Variants in PKP4 observed in about 807,000 individuals in gnomAD.
PKP4 encodes plakophilin-4.
A neutral mutation model predicts 145.1 loss-of-function variants in PKP4; 90 were observed. That is an observed-to-expected ratio of 0.62 (90% CI 0.52 to 0.74). PKP4 has a LOEUF of 0.74. Among genes scored for constraint, PKP4 ranks in the 30% least tolerant of loss-of-function variants. The pLI is 0.00. For missense variants in PKP4, 1,340 were observed against 1,482.7 expected (o/e 0.90, Z 1.58); for synonymous variants, 563 against 577.2 (o/e 0.98, Z 0.35).
Position 158,661,611 on chromosome 2 carries a change from G to A in PKP4, c.2211+161G>A, listed in dbSNP as rs374617448. 159 of 553,252 alleles carry A rather than the reference G, an allele frequency of 2.9e-4. 4 individuals carry two copies. The highest frequency in any genetic ancestry group is 2.5e-3 in the South Asian group (124 of 49,436). 34.3% of individuals were successfully genotyped at this position (553,252 alleles called of 1,614,324 possible). On this transcript the variant is annotated intron_variant, in intron 13 of 21. Transcript: ENST00000389759. ...CAAGTCTCCAAAGTTACAGGGGCAAGGACGTGGCAACTTAAGAAAATATCC... is the reference window on the plus strand; with the variant it reads ...CAAGTCTCCAAAGTTACAGGGGCAAAGACGTGGCAACTTAAGAAAATATCC...
intron 2 of PKP4, among the ~76,000 whole-genome samples, chr2:158,561,977 G>C (rs978404200): frequency 8.6e-5 from 12 of 140,096 alleles, no homozygotes; most frequent in African/African-American, 3.0e-4. Context: ...CCCGCCCTGT[G>C]TCCAAGTGTT....
chr2:158,669,786 A>T lies in PKP4; in HGVS notation c.2795A>T (p.Asp932Val), dbSNP rs753567265. The change falls in exon 17 of 22, where the codon GAT becomes GTT. Residue 932 changes from aspartate to valine, a missense_variant. Physicochemically the swap from Asp to Val is radical, Grantham distance 152. Transcript: ENST00000389759. The stretch of plus-strand genomic sequence containing the variant: ...GGCAATGGCCCCAGTGTCTTGTCTG[A>T]TGAGACCATGGCAGCCATCTGCTGT... ...PGGNGPSVLS[D>V]ETMAAICCAL... 8 of 1,613,664 alleles carry T rather than the reference A, an allele frequency of 5.0e-6. No individual in the cohort carries two copies. The South Asian group carries it at 6.6e-5, about 13-fold the overall frequency.
chr2:158,514,463 A>G (rs2041772813), intron 1 of PKP4, among the ~76,000 whole-genome samples: 2 of 152,248 alleles, frequency 1.3e-5, no homozygotes, highest in Admixed American at 6.5e-5. Flanking sequence ...GAAATATAGT[A>G]TTAAGCACAC....
chr2:158,676,578 A>G (rs1355857611), intron 19 of PKP4, among the ~76,000 whole-genome samples, 161 bp from the exon 20 acceptor site: 3 of 152,216 alleles, frequency 2.0e-5, no homozygotes, highest in Non-Finnish European at 2.9e-5. Context: ...ACTTGGGTCT[A>G]GCTGCTCTTC....
At chr2:158,527,389 G>A (rs2043057823) in intron 1 of PKP4, among the ~76,000 whole-genome samples, 1 of 109,892 alleles carries the variant, frequency 9.1e-6, no homozygotes, top group Non-Finnish European at 1.9e-5. Flanking sequence ...ATGGGGAAAG[G>A]ATTCCCTATT....
chr2:158,635,978 A>G (rs1013333486), intron 9 of PKP4, among the ~76,000 whole-genome samples: 3 of 152,182 alleles, frequency 2.0e-5, no homozygotes, highest in African/African-American at 7.2e-5. Context: ...GCTACATTAC[A>G]GTTGGCCTGA....
At chr2:158,619,608 TTCA>T (rs2051999550) in intron 4 of PKP4, among the ~76,000 whole-genome samples, 1 of 152,188 alleles carries the variant, frequency 6.6e-6, no homozygotes, top group Non-Finnish European at 1.5e-5. Context: ...ATAGCCAAAC[TTCA>T]TTGAACACAG....
chr2:158,591,286 T>C (rs1038391761), intron 3 of PKP4, among the ~76,000 whole-genome samples: 2 of 152,080 alleles, frequency 1.3e-5, no homozygotes, highest in Non-Finnish European at 2.9e-5. Flanking sequence ...TAGATACTTG[T>C]TGATACTAAA....
chr2:158,633,481 T>C (rs188133225), intron 8 of PKP4, among the ~76,000 whole-genome samples: 1 of 152,364 alleles, frequency 6.6e-6, no homozygotes, highest in African/African-American at 2.4e-5. Flanking sequence ...GGATCACAGC[T>C]GAATGGCACA....
rs2057406203 is a variant in PKP4 at position 158,669,800 on chromosome 2, G to A, written c.2809G>A (p.Ala937Thr). The change falls in exon 17 of 22, where the codon GCC (alanine) becomes ACC (threonine). Residue 937 changes from alanine (A) to threonine (T), a missense_variant. Transcript: ENST00000389759. ...TGTCTTGTCTGATGAGACCATGGCA[G>A]CCATCTGCTGTGCTCTGCACGAGGT... Reference protein sequence around the residue: ...PSVLSDETMAAICCALHEVTS... With the variant: ...PSVLSDETMATICCALHEVTS... The A allele has an allele frequency of 6.2e-7, 1 of 1,613,938 alleles. No homozygotes were observed. The highest frequency in any genetic ancestry group is 1.1e-5 in the South Asian group (1 of 91,028).
intron 12 of PKP4, chr2:158,659,245 G>A (rs992338921): frequency 3.3e-5 from 5 of 152,704 alleles, no homozygotes; most frequent in Non-Finnish European, 4.4e-5. Flanking sequence ...ACAAGAGTCA[G>A]GATCCCAGAA....
intron 1 of PKP4, among the ~76,000 whole-genome samples, chr2:158,482,873 A>G (rs1693574023): frequency 6.6e-6 from 1 of 152,028 alleles, no homozygotes; most frequent in African/African-American, 2.4e-5. Context: ...TTTAGAGAAC[A>G]TGCAGGTCAT....
intron 3 of PKP4, among the ~76,000 whole-genome samples, chr2:158,583,885 C>G (rs914669974): frequency 2.0e-5 from 3 of 151,778 alleles, no homozygotes; most frequent in African/African-American, 7.3e-5. Context: ...TTTTAATAAA[C>G]CTTTGTGTCG....
chr2:158,563,788 A>G (rs868754020), intron 2 of PKP4, among the ~76,000 whole-genome samples: 3 of 152,046 alleles, frequency 2.0e-5, no homozygotes, highest in South Asian at 2.1e-4. Flanking sequence ...CCATTTCTTC[A>G]TAGCATCACC....
At chr2:158,627,722 T>C (rs1177514989) in intron 7 of PKP4, among the ~76,000 whole-genome samples, 1 of 151,018 alleles carries the variant, frequency 6.6e-6, no homozygotes, top group Non-Finnish European at 1.5e-5. Context: ...TTTGAGGAGA[T>C]AAAGAATTGA....
chr2:158,593,819 A>G (rs570462074), intron 3 of PKP4, among the ~76,000 whole-genome samples: 2 of 152,356 alleles, frequency 1.3e-5, no homozygotes, highest in South Asian at 4.1e-4. Context: ...TGAAGAACTG[A>G]GAAAACAAGT....
chr2:158,542,226 C>T (rs1483421869), intron 2 of PKP4, among the ~76,000 whole-genome samples: 2 of 152,024 alleles, frequency 1.3e-5, no homozygotes, highest in African/African-American at 2.4e-5. Context: ...TCATTTGTTC[C>T]TTAATAAGAT....
chr2:158,568,175 A>T (rs2047148262), intron 2 of PKP4, among the ~76,000 whole-genome samples: 3 of 152,106 alleles, frequency 2.0e-5, no homozygotes, highest in Admixed American at 1.3e-4. Context: ...CTCTACTAAA[A>T]ATACAAAAAA....
chr2:158,587,857 T>C (rs939667934), intron 3 of PKP4, among the ~76,000 whole-genome samples: 4 of 151,886 alleles, frequency 2.6e-5, no homozygotes, highest in African/African-American at 9.7e-5. Context: ...TTTATGTCAA[T>C]ACATATACAG....
Sources: allele counts gnomAD v4.1 joint callset (sites outside exome capture counted in the v4.1 genomes callset), GRCh38; gene constraint gnomAD v4.1.1; transcripts MANE v1.5; gene names NCBI Gene and HGNC (gene_info 2026-07-23, HGNC 2026-07-21).